KCNH7: variants seen among roughly 807,000 people sequenced by gnomAD.
The protein encoded by KCNH7 is potassium voltage-gated channel subfamily H member 7.
A neutral mutation model predicts 120.8 loss-of-function variants in KCNH7; 49 were observed. The observed-to-expected ratio is 0.41, with a 90% CI of 0.32 to 0.51. The LOEUF (loss-of-function observed/expected upper bound fraction) is 0.51, where lower values mean the gene tolerates loss of function less well. KCNH7 is among the 20% of genes least tolerant of loss of function. The probability of loss-of-function intolerance (pLI) is 0.38; values close to 1 mark genes in which losing one functional copy is unlikely to be tolerated. For synonymous variants in KCNH7, 547 were observed against 516.1 expected (o/e 1.06, Z -0.81); for missense variants, 1,097 against 1,446.6 (o/e 0.76, Z 3.92).
intron 6 of KCNH7, among the ~76,000 whole-genome samples, chr2:162,462,949 T>C (rs1469644761): frequency 1.3e-5 from 2 of 152,080 alleles, no homozygotes; most frequent in African/African-American, 4.8e-5. Flanking sequence ...TCCTGCTAAA[T>C]TTTCCTATCA....
In KCNH7 at chr2:162,384,563, CG is replaced by C. The variant is rs1474741701; in HGVS notation, c.2962+124del. The C allele has an allele frequency of 2.4e-5, 23 of 976,012 alleles. No individual in the cohort carries two copies. In the African/African-American group the frequency reaches 3.6e-4, roughly 15 times the overall value. The allele number at this position is 976,012 out of a possible 1,614,324, so 60.5% of individuals were successfully genotyped here. On this transcript the variant is annotated intron_variant, in intron 13 of 15. Transcript: ENST00000332142. ...GATGATCTGAAATCTGAACGCTTCG[CG>C]AACATTTCATGAAGTTGAGAACAAT... is the stretch of plus-strand genomic sequence containing the variant.
chr2:162,468,853 C>T (rs1164735049), intron 6 of KCNH7, among the ~76,000 whole-genome samples: 3 of 146,614 alleles, frequency 2.0e-5, no homozygotes, highest in Non-Finnish European at 2.9e-5. Flanking sequence ...AGCCTCTTTC[C>T]CTTTTTTTTT....
intron 2 of KCNH7, among the ~76,000 whole-genome samples, chr2:162,577,686 C>T (rs10194384): frequency 6.6e-6 from 1 of 151,636 alleles, no homozygotes; most frequent in Non-Finnish European, 1.5e-5. Context: ...GTCATACCAA[C>T]CTAGATGAGG....
intron 2 of KCNH7, among the ~76,000 whole-genome samples, chr2:162,783,813 AT>A (rs1445053701): frequency 1.3e-5 from 2 of 152,186 alleles, no homozygotes; most frequent in African/African-American, 4.8e-5. Context: ...TCCATCTTTA[AT>A]ACCTGAGCTT....
At chr2:162,718,278 AG>A (rs1687201989) in intron 2 of KCNH7, among the ~76,000 whole-genome samples, 1 of 152,000 alleles carries the variant, frequency 6.6e-6, no homozygotes, top group African/African-American at 2.4e-5. Flanking sequence ...GTAACTTCCA[AG>A]TAGTGTTTTC....
chr2:162,801,986 A>G (rs1684367090), intron 2 of KCNH7, among the ~76,000 whole-genome samples: 1 of 151,822 alleles, frequency 6.6e-6, no homozygotes. Flanking sequence ...AGAATATGAT[A>G]TATTCCAATA....
chr2:162,829,675 C>A (rs1482150002), intron 2 of KCNH7, among the ~76,000 whole-genome samples: 1 of 151,676 alleles, frequency 6.6e-6, no homozygotes, highest in African/African-American at 2.4e-5. Context: ...TAGTTTCAGG[C>A]TATGAAGATG....
chr2:162,807,521 G>T (rs937189336), intron 2 of KCNH7, among the ~76,000 whole-genome samples: 5 of 152,018 alleles, frequency 3.3e-5, no homozygotes, highest in Admixed American at 6.6e-5. Flanking sequence ...TAGAGATTCT[G>T]ATACAAGTTT....
At chr2:162,671,500 AC>A (rs1296933465) in intron 2 of KCNH7, among the ~76,000 whole-genome samples, 2 of 152,044 alleles carry the variant, frequency 1.3e-5, no homozygotes, top group African/African-American at 2.4e-5. Flanking sequence ...GTGAGAGGTA[AC>A]CAATGAGTAC....
At chr2:162,409,322 A>T (rs1687319624) in intron 9 of KCNH7, among the ~76,000 whole-genome samples, 2 of 151,894 alleles carry the variant, frequency 1.3e-5, no homozygotes. Flanking sequence ...GTGGAAACCT[A>T]AATAACACAC....
intron 2 of KCNH7, among the ~76,000 whole-genome samples, chr2:162,752,903 A>AAAAAGAAAAGAAAAG (rs1332067169): frequency 6.2e-5 from 2 of 32,026 alleles, no homozygotes; most frequent in African/African-American, 1.0e-4. Flanking sequence ...TACATCTCAG[A>AAAAAGAAAAGAAAAG]AAAAGAAAAG....
intron 2 of KCNH7, chr2:162,772,135 T>C (rs1001188708): frequency 1.3e-5 from 2 of 152,228 alleles, no homozygotes; most frequent in Non-Finnish European, 2.9e-5. Context: ...TCTCATGTTG[T>C]ATAACCCTCT....
In KCNH7 at chr2:162,746,153, T is replaced by A. The variant is rs78693271; in HGVS notation, c.307+90384A>T. 6.8e-3 allele frequency among the ~76,000 whole-genome samples: 1,041 copies of A among 152,168 alleles called. 31 individuals are homozygous for A. The East Asian group carries it at 0.11, about 16-fold the overall frequency. Reference sequence around the variant, plus strand: ...TTTAACCTCCCTTTCTTTTGATATATTGGTTTTTAGATTTTCAAGCTGGAA... The same window carrying A: ...TTTAACCTCCCTTTCTTTTGATATAATGGTTTTTAGATTTTCAAGCTGGAA... On this transcript the variant is annotated intron_variant, in intron 2 of 15. Coordinates refer to ENST00000332142, the MANE Select transcript of KCNH7 (RefSeq NM_033272.4).
intron 2 of KCNH7, among the ~76,000 whole-genome samples, chr2:162,705,382 A>AT (rs1483423998): frequency 6.6e-6 from 1 of 152,092 alleles, no homozygotes. Flanking sequence ...CAATTTTATT[A>AT]TTGCTAGGGT....
chr2:162,540,644 A>C (rs1476846440), intron 2 of KCNH7, among the ~76,000 whole-genome samples: 1 of 152,068 alleles, frequency 6.6e-6, no homozygotes, highest in Non-Finnish European at 1.5e-5. Context: ...GGGACAGGGC[A>C]AGGTGGGGAG....
At chr2:162,602,232 G>A (rs1694583089) in intron 2 of KCNH7, among the ~76,000 whole-genome samples, 1 of 152,070 alleles carries the variant, frequency 6.6e-6, no homozygotes, top group South Asian at 2.1e-4. Context: ...CCGAGTGAGA[G>A]CCAAACCACA....
intron 2 of KCNH7, among the ~76,000 whole-genome samples, chr2:162,611,846 T>C (rs1221714274): frequency 6.6e-6 from 1 of 152,104 alleles, no homozygotes; most frequent in African/African-American, 2.4e-5. Context: ...TCTTACCCCA[T>C]ATGACAGTCC....
intron 2 of KCNH7, among the ~76,000 whole-genome samples, chr2:162,593,795 A>G (rs977323703): frequency 2.6e-5 from 4 of 152,044 alleles, no homozygotes; most frequent in Admixed American, 6.6e-5. Context: ...CAGCTTGAGT[A>G]TCCCTAATCC....
At chr2:162,399,933 G>A (rs754758618) in intron 10 of KCNH7, among the ~76,000 whole-genome samples, 6 of 151,874 alleles carry the variant, frequency 4.0e-5, no homozygotes, top group Non-Finnish European at 7.4e-5. Context: ...GGCCTCAAAT[G>A]TCTAGGTAGC....
Sources: gnomAD v4.1 joint callset for allele counts (sites outside exome capture counted in the v4.1 genomes callset) on GRCh38, gnomAD v4.1.1 for gene constraint, MANE v1.5 for transcripts, NCBI Gene and HGNC (gene_info 2026-07-23, HGNC 2026-07-21) for gene names.